Variants in URB1 observed in about 807,000 individuals in gnomAD.
URB1 encodes the protein URB1 ribosome biogenesis factor.
In URB1, 197 loss-of-function variants were observed where a neutral mutation model predicts 242.3. The ratio of observed to expected loss-of-function variants is 0.81; its 90% confidence interval spans 0.72 to 0.91. The LOEUF (loss-of-function observed/expected upper bound fraction) is 0.91, where lower values mean the gene tolerates loss of function less well. Among genes scored for constraint, URB1 ranks in the 40% least tolerant of loss-of-function variants. The pLI is 0.00. For missense variants in URB1, 2,721 were observed against 2,860.5 expected (o/e 0.95, Z 1.11); for synonymous variants, 1,153 against 1,201.8 (o/e 0.96, Z 0.84).
At chr21:32,381,334 C>T (rs1321188972) in intron 4 of URB1, among the ~76,000 whole-genome samples, 1 of 151,924 alleles carries the variant, frequency 6.6e-6, no homozygotes, top group Non-Finnish European at 1.5e-5. Flanking sequence ...AGGATTTTAA[C>T]AATGCTTTCT....
intron 18 of URB1, 80 bp from the exon 19 acceptor site, chr21:32,352,986 C>T: frequency 7.0e-7 from 1 of 1,421,026 alleles, no homozygotes; most frequent in Non-Finnish European, 9.3e-7. Flanking sequence ...CCTTCTTCCA[C>T]ATACAGGCAA....
At chr21:32,367,253 A>C (rs1481484411) in intron 9 of URB1, among the ~76,000 whole-genome samples, 1 of 152,206 alleles carries the variant, frequency 6.6e-6, no homozygotes. Flanking sequence ...ATAGCTAGTA[A>C]GCAGCCAAGT....
chr21:32,349,827 G>A (rs1169960631), intron 20 of URB1, among the ~76,000 whole-genome samples: 2 of 151,048 alleles, frequency 1.3e-5, no homozygotes, highest in Non-Finnish European at 3.0e-5. Flanking sequence ...AGGCTCAGTG[G>A]CTCACGCCTG....
intron 32 of URB1, among the ~76,000 whole-genome samples, chr21:32,324,266 T>A (rs765943192): frequency 2.0e-4 from 30 of 152,366 alleles, no homozygotes; most frequent in Admixed American, 4.6e-4. Flanking sequence ...TTTTTCTGGA[T>A]TTCACCCCCC....
chr21:32,324,557 C>G lies in URB1; in HGVS notation c.5167G>C (p.Asp1723His), dbSNP rs1011076306. The change falls in exon 32 of 39, where the codon GAC (aspartate) becomes CAC (histidine). Residue 1723 changes from aspartate to histidine, a missense_variant. Asp to His is a moderately conservative substitution (Grantham distance 81, BLOSUM62 -1). Transcript: ENST00000382751. ...DVVRNGIRTQ[D>H]MRLTFTLALF... Reference sequence around the variant, plus strand: ...GCCAAGGTAAAAGTAAGTCTCATGTCCTGAGTTCGAATCCCATTCCGGACT... The same window carrying G: ...GCCAAGGTAAAAGTAAGTCTCATGTGCTGAGTTCGAATCCCATTCCGGACT... 1 of 1,551,822 alleles carries G rather than the reference C, an allele frequency of 6.4e-7. No homozygotes were observed. Among genetic ancestry groups the G allele is most frequent in the Admixed American group, 2.0e-5 (1 of 51,014 alleles).
intron 30 of URB1, among the ~76,000 whole-genome samples, chr21:32,327,802 G>A (rs1019056064): frequency 1.8e-4 from 28 of 152,278 alleles, no homozygotes; most frequent in African/African-American, 5.3e-4. Flanking sequence ...CTCACTTGAA[G>A]ATAAACTATA....
At position 32,345,589 on chromosome 21, in the gene URB1, A is replaced by C; in HGVS notation, c.3869-14T>G. On this transcript the variant is annotated splice_polypyrimidine_tract_variant and intron_variant, in intron 22 of 38. Coordinates refer to ENST00000382751, the MANE Select transcript of URB1 (RefSeq NM_014825.3). ...CAGCGGAAGACACTAGGGCAGAGAT[A>C]CAAAGGAGAAGTCATCACACCCAAT... is the stretch of plus-strand genomic sequence containing the variant. The C allele has an allele frequency of 6.6e-7, 1 of 1,524,046 alleles. No individual in the cohort carries two copies. Among genetic ancestry groups the C allele is most frequent in the Non-Finnish European group, 8.9e-7 (1 of 1,126,978 alleles). 94.4% of individuals were successfully genotyped at this position (1,524,046 alleles called of 1,614,324 possible).
At chr21:32,315,189 A>C in intron 38 of URB1, 90 bp from the exon 39 acceptor site, 1 of 1,354,702 alleles carries the variant, frequency 7.4e-7, no homozygotes, top group Non-Finnish European at 9.7e-7. Flanking sequence ...GGCTTTGCCA[A>C]GTGCCCAAAT....
Position 32,347,405 on chromosome 21 carries a change from G to A in URB1, c.3419C>T (p.Pro1140Leu). ...TCTTTCCTTCCCGGGGGATTTCGTG[G>A]GTTGCTGGGTCACCAGGTGTGTCTC... ...LPETHLVTQQ[P>L]TKSPGKERHL... is the part of the protein sequence containing the mutation. The change falls in exon 22 of 39, where the codon CCC becomes CTC. Residue 1140 changes from proline to leucine, a missense_variant. Pro to Leu is a moderately conservative substitution (Grantham distance 98). Coordinates refer to ENST00000382751, the MANE Select transcript of URB1 (RefSeq NM_014825.3). 1 of 1,551,528 alleles carries A rather than the reference G, an allele frequency of 6.4e-7. No homozygotes were observed. Among genetic ancestry groups the A allele is most frequent in the East Asian group, 2.4e-5 (1 of 40,914 alleles).
At chr21:32,374,303 A>G (rs2033436259) in intron 6 of URB1, among the ~76,000 whole-genome samples, 1 of 152,212 alleles carries the variant, frequency 6.6e-6, no homozygotes, top group Admixed American at 6.5e-5. Flanking sequence ...CTGCAAGTAG[A>G]ATTGTGGCAC....
At chr21:32,323,624 C>T (rs564066966) in intron 32 of URB1, among the ~76,000 whole-genome samples, 6 of 152,162 alleles carry the variant, frequency 3.9e-5, no homozygotes, top group Admixed American at 2.6e-4. Flanking sequence ...GTGATGGTGA[C>T]GGCAGCTATC....
At chr21:32,373,922 A>C (rs1601153598) in intron 6 of URB1, 150 bp from the exon 7 acceptor site, 1 of 752,484 alleles carries the variant, frequency 1.3e-6, no homozygotes, top group Non-Finnish European at 2.0e-6. Flanking sequence ...AAAAGGAAAA[A>C]CATAAAGGGA....
chr21:32,316,324 G>GT, intron 38 of URB1, 142 bp downstream of exon 38: 2 of 1,319,586 alleles, frequency 1.5e-6, no homozygotes, highest in Non-Finnish European at 2.0e-6. Flanking sequence ...CCCCAGAACC[G>GT]TAAGGGGCCA....
rs1347133547 is a variant in URB1 at position 32,316,710 on chromosome 21, C to G, written c.6390G>C (p.Leu2130Phe). Residue 2130 changes from leucine (L) to phenylalanine (F), a missense_variant, in exon 38 of 39, where the codon TTG (leucine) becomes TTC (phenylalanine). Coordinates refer to ENST00000382751, the MANE Select transcript of URB1 (RefSeq NM_014825.3). Reference sequence around the variant, plus strand: ...GGTCAGCCACGACCACAGGGTGTGGCAAAATATGGCTCTTAAGCCAGCCAA... The same window carrying G: ...GGTCAGCCACGACCACAGGGTGTGGGAAAATATGGCTCTTAAGCCAGCCAA... ...GLIGWLKSHI[L>F]PHPVVVADLL... 6.4e-7 allele frequency: 1 copy of G among 1,551,388 alleles called. No individual in the cohort carries two copies. Among genetic ancestry groups the G allele is most frequent in the Non-Finnish European group, 8.7e-7 (1 of 1,146,882 alleles).
Position 32,392,980 on chromosome 21 carries a change from A to G in URB1, c.-70T>C, listed in dbSNP as rs2033658282. 3.5e-6 allele frequency: 5 copies of G among 1,419,622 alleles called. No individual in the cohort carries two copies. The highest frequency in any genetic ancestry group is 2.9e-5 in the South Asian group (2 of 67,972). The allele number at this position is 1,419,622 out of a possible 1,614,324, so 87.9% of individuals were successfully genotyped here. A position where few individuals can be genotyped will look rare whatever the true frequency, so the allele number is the denominator to read the frequency against. On this transcript the variant is annotated 5_prime_UTR_variant, in exon 1 of 39. Transcript: ENST00000382751. The stretch of plus-strand genomic sequence containing the variant: ...ACCCGGCAGGAGCACTGGCACAGAC[A>G]GCAGACACGCGCTTCAGGCCCACAT...
At position 32,314,363 on chromosome 21, in the gene URB1, T is replaced by G. The variant is rs2032643982; in HGVS notation, c.*555A>C. The G allele has an allele frequency of 6.7e-5, 35 of 519,994 alleles. 1 individual carries two copies. The highest frequency in any genetic ancestry group is 6.5e-4 in the South Asian group (34 of 52,090). 32.2% of individuals were successfully genotyped at this position (519,994 alleles called of 1,614,324 possible). A position where few individuals can be genotyped will look rare whatever the true frequency, so the allele number is the denominator to read the frequency against. ...CCATGCCTGGCTAATTTTTGTATTT[T>G]TAGTAGAGATGGGGTTTCACCATGT... On this transcript the variant is annotated 3_prime_UTR_variant, in exon 39 of 39. Transcript: ENST00000382751.
intron 22 of URB1, 93 bp from the exon 23 acceptor site, chr21:32,345,668 G>A: frequency 3.0e-6 from 4 of 1,320,184 alleles, no homozygotes; most frequent in Non-Finnish European, 4.1e-6. Context: ...CTATATTTTA[G>A]GTATCCTGTG....
intron 28 of URB1, 43 bp from the exon 29 acceptor site, chr21:32,334,377 C>CG: frequency 3.3e-6 from 5 of 1,509,856 alleles, no homozygotes; most frequent in South Asian, 1.3e-5. Flanking sequence ...CAGAGCCCCC[C>CG]GGGAACAGAA....
intron 7 of URB1, 131 bp from the exon 8 acceptor site, chr21:32,372,762 C>T (rs944379251): frequency 1.9e-6 from 2 of 1,048,956 alleles, no homozygotes; most frequent in Admixed American, 3.2e-5. Context: ...TGGTGTCATT[C>T]CAAACAATAA....
Sources: gnomAD v4.1 joint callset for allele counts (sites outside exome capture counted in the v4.1 genomes callset) on GRCh38, gnomAD v4.1.1 for gene constraint, MANE v1.5 for transcripts, NCBI Gene and HGNC (gene_info 2026-07-23, HGNC 2026-07-21) for gene names.